Variants in MCC observed in about 807,000 individuals in gnomAD.
MCC encodes MCC regulator of Wnt signaling pathway, also known as colorectal mutant cancer protein.
In MCC, 90 loss-of-function variants were observed where a neutral mutation model predicts 116.2. The observed-to-expected ratio is 0.77, with a 90% confidence interval of 0.65 to 0.92. MCC has a LOEUF of 0.92. MCC is among the 40% of genes least tolerant of loss of function. The pLI, the probability that MCC is intolerant of heterozygous loss-of-function variation, is 0.00. For synonymous variants in MCC, 578 were observed against 510.5 expected, an observed-to-expected ratio of 1.13 and a Z score of -1.78; for missense variants, 1,516 against 1,312.2, an observed-to-expected ratio of 1.16 and a Z score of -2.40.
intron 1 of MCC, among the ~76,000 whole-genome samples, chr5:113,482,042 C>G (rs1340240055): frequency 1.8e-4 from 28 of 152,258 alleles, no homozygotes; most frequent in Non-Finnish European, 1.0e-4. Flanking sequence ...TGGCTTCTTT[C>G]ACTTAGCATT....
At chr5:113,222,386 G>A (rs937162343) in intron 3 of MCC, among the ~76,000 whole-genome samples, 5 of 151,974 alleles carry the variant, frequency 3.3e-5, no homozygotes, top group South Asian at 2.1e-4. Context: ...TTCTTTCATT[G>A]TAATACATTT....
intron 2 of MCC, among the ~76,000 whole-genome samples, chr5:113,347,782 C>T (rs552707042): frequency 5.6e-5 from 8 of 142,678 alleles, no homozygotes; most frequent in African/African-American, 1.3e-4. Flanking sequence ...AGACAGAGTG[C>T]CTAAATGGAT....
chr5:113,361,412 T>G (rs2150385362), intron 2 of MCC, among the ~76,000 whole-genome samples: 3 of 152,342 alleles, frequency 2.0e-5, no homozygotes, highest in Middle Eastern at 3.4e-3. Flanking sequence ...GCCTTTTTAT[T>G]TTGTTTTCTA....
chr5:113,329,818 T>C (rs1037277884), intron 3 of MCC, among the ~76,000 whole-genome samples: 1 of 152,168 alleles, frequency 6.6e-6, no homozygotes, highest in Non-Finnish European at 1.5e-5. Context: ...TTAGTGTATA[T>C]AGATCAGCTT....
At chr5:113,079,554 G>A (rs528139343) in intron 11 of MCC, among the ~76,000 whole-genome samples, 1 of 152,296 alleles carries the variant, frequency 6.6e-6, no homozygotes, top group South Asian at 2.1e-4. Context: ...ACAAGAAATG[G>A]GGAAAGGATT....
rs1763345185 is a variant in MCC at position 113,216,983 on chromosome 5, C to A, written c.628-65561G>T. ...AATTTTGGTGCTCAATAAGTAGAAA[C>A]AATTATTACTATGGACAAAGTCTTC... On this transcript the variant is annotated intron_variant, in intron 3 of 18. Transcript: ENST00000408903. Among the ~76,000 whole-genome samples the A allele has an allele frequency of 2.6e-5, 4 of 152,262 alleles. No homozygotes were observed. The South Asian group carries it at 8.3e-4, about 32-fold the overall frequency.
intron 3 of MCC, among the ~76,000 whole-genome samples, chr5:113,281,018 T>A (rs1766027977): frequency 6.6e-6 from 1 of 152,212 alleles, no homozygotes; most frequent in Non-Finnish European, 1.5e-5. Flanking sequence ...CCAAACTGCT[T>A]AACAACTTCA....
At position 113,082,849 on chromosome 5, in the gene MCC, T is replaced by A. The variant is rs763893309; in HGVS notation, c.1784+11A>T. ...CTGCCCCACAATCAAATCGATACGA[T>A]CTCTCCTCACCTATTCAGCCGTTCT... On this transcript the variant is annotated intron_variant, in intron 11 of 18. Transcript: ENST00000408903. The A allele has an allele frequency of 6.2e-7, 1 of 1,612,562 alleles. No homozygotes were observed. The highest frequency in any genetic ancestry group is 2.2e-5 in the East Asian group (1 of 44,872).
At chr5:113,309,254 A>C (rs1477792462) in intron 3 of MCC, among the ~76,000 whole-genome samples, 1 of 152,220 alleles carries the variant, frequency 6.6e-6, no homozygotes, top group African/African-American at 2.4e-5. Flanking sequence ...GATAAACTGT[A>C]TAATGTGGAG....
chr5:113,291,781 G>A (rs1397545659), intron 3 of MCC, among the ~76,000 whole-genome samples: 1 of 152,090 alleles, frequency 6.6e-6, no homozygotes, highest in Non-Finnish European at 1.5e-5. Context: ...AAATGACAGG[G>A]AATAGAAACA....
Position 113,195,928 on chromosome 5 carries a change from T to C in MCC, c.628-44506A>G, listed in dbSNP as rs76161484. Among the ~76,000 whole-genome samples, 262 of 152,296 alleles carry C rather than the reference T, an allele frequency of 1.7e-3. 4 individuals carry two copies. The East Asian group carries it at 0.043, about 25-fold the overall frequency. On this transcript the variant is annotated intron_variant, in intron 3 of 18. Transcript: ENST00000408903. ...TGGTCAAGTCACAGCTGGCTTCTTT[T>C]GCATCTGTCACCCCCTCAGGGAGAA...
intron 1 of MCC, among the ~76,000 whole-genome samples, chr5:113,472,588 C>G (rs1054424164): frequency 2.0e-5 from 3 of 152,126 alleles, no homozygotes; most frequent in Non-Finnish European, 4.4e-5. Context: ...TTGTTCTGCT[C>G]TGACAGTTAT....
intron 3 of MCC, among the ~76,000 whole-genome samples, chr5:113,297,460 G>T (rs1331986618): frequency 6.6e-6 from 1 of 152,096 alleles, no homozygotes; most frequent in Admixed American, 6.5e-5. Flanking sequence ...CAGCTACTCG[G>T]GAGGCTGAGA....
chr5:113,166,732 A>G (rs1760794959), intron 3 of MCC, among the ~76,000 whole-genome samples: 1 of 151,920 alleles, frequency 6.6e-6, no homozygotes. Flanking sequence ...ACAACCAAAA[A>G]ACCAAAAAAA....
At chr5:113,292,954 C>T (rs1477124036) in intron 3 of MCC, among the ~76,000 whole-genome samples, 1 of 152,214 alleles carries the variant, frequency 6.6e-6, no homozygotes, top group Non-Finnish European at 1.5e-5. Context: ...CTTAAATCCT[C>T]ATGCCTCCTC....
intron 3 of MCC, among the ~76,000 whole-genome samples, chr5:113,325,107 C>G (rs1767520207): frequency 6.6e-6 from 1 of 151,982 alleles, no homozygotes; most frequent in African/African-American, 2.4e-5. Context: ...CTCAAAGTGT[C>G]TATATTACAG....
chr5:113,092,398 G>A (rs185102494), intron 8 of MCC, among the ~76,000 whole-genome samples: 1 of 152,204 alleles, frequency 6.6e-6, no homozygotes, highest in Non-Finnish European at 1.5e-5. Flanking sequence ...CCTCCAGAGA[G>A]ATGCAGCCTT....
intron 3 of MCC, among the ~76,000 whole-genome samples, chr5:113,155,423 G>A (rs1230354250): frequency 2.6e-5 from 4 of 152,106 alleles, no homozygotes; most frequent in African/African-American, 9.7e-5. Flanking sequence ...TGGATCATAT[G>A]GTAGTTCTAT....
At chr5:113,450,746 G>A (rs1771368619) in intron 1 of MCC, among the ~76,000 whole-genome samples, 1 of 152,178 alleles carries the variant, frequency 6.6e-6, no homozygotes. Context: ...TACGTGCTGA[G>A]AAAGTGTCAC....
Sources: allele counts gnomAD v4.1 joint callset (sites outside exome capture counted in the v4.1 genomes callset), GRCh38; gene constraint gnomAD v4.1.1; transcripts MANE v1.5; gene names NCBI Gene and HGNC (gene_info 2026-07-23, HGNC 2026-07-21).